Variants in CDH18 observed in about 807,000 individuals in gnomAD.
The protein encoded by CDH18 is cadherin-18.
Under a neutral mutation model 67.9 loss-of-function variants are expected in CDH18, and 31 were observed. The observed-to-expected ratio is 0.46, with a 90% confidence interval of 0.34 to 0.62. CDH18 has a LOEUF of 0.62. Among genes scored for constraint, CDH18 ranks in the 20% least tolerant of loss-of-function variants. The pLI, the probability that CDH18 is intolerant of heterozygous loss-of-function variation, is 0.01. For synonymous variants in CDH18, 362 were observed against 347.2 expected, an observed-to-expected ratio of 1.04 and a Z score of -0.48; for missense variants, 890 against 975.5, an observed-to-expected ratio of 0.91 and a Z score of 1.17.
chr5:19,911,394 A>G (rs529498523), intron 2 of CDH18, among the ~76,000 whole-genome samples: 156 of 152,116 alleles, frequency 1.0e-3, no homozygotes, highest in Non-Finnish European at 1.7e-3. Flanking sequence ...AGATTATACT[A>G]TTAGGAGATA....
rs1432411209 is a variant in CDH18 at position 20,311,956 on chromosome 5, T to G, written c.-579-56451A>C. 2.0e-5 allele frequency among the ~76,000 whole-genome samples: 3 copies of G among 152,304 alleles called. No homozygotes were observed. In the South Asian group the frequency reaches 6.2e-4, roughly 32 times the overall value. On this transcript the variant is annotated intron_variant, in intron 1 of 14. Coordinates refer to the CDH18 transcript ENST00000507958. ...AGCTGAGGAAATACTTCTATTTCCCTATTTGCTGAACACATGGCAGGATTA... is the reference window on the plus strand; with the variant it reads ...AGCTGAGGAAATACTTCTATTTCCCGATTTGCTGAACACATGGCAGGATTA...
intron 2 of CDH18, among the ~76,000 whole-genome samples, chr5:19,979,004 C>T (rs1288159393): frequency 6.6e-6 from 1 of 152,132 alleles, no homozygotes; most frequent in Non-Finnish European, 1.5e-5. Context: ...TAGTCACACG[C>T]AGCACTTATA....
intron 2 of CDH18, among the ~76,000 whole-genome samples, chr5:20,049,369 G>C (rs1379505724): frequency 6.6e-6 from 1 of 151,636 alleles, no homozygotes; most frequent in African/African-American, 2.4e-5. Flanking sequence ...GAGAGTGGGA[G>C]GAGGGAGAGG....
chr5:19,922,041 T>G (rs1792541738), intron 2 of CDH18, among the ~76,000 whole-genome samples: 1 of 152,158 alleles, frequency 6.6e-6, no homozygotes, highest in Admixed American at 6.5e-5. Context: ...AGATCATTTC[T>G]GAGAATGTGA....
At chr5:20,198,306 G>C (rs1042611750) in intron 2 of CDH18, among the ~76,000 whole-genome samples, 5 of 152,082 alleles carry the variant, frequency 3.3e-5, no homozygotes, top group African/African-American at 4.8e-5. Context: ...TTGTTGAATG[G>C]CTTAGTCCAA....
At chr5:19,545,558 G>C (rs1461512195) in intron 8 of CDH18, among the ~76,000 whole-genome samples, 1 of 152,146 alleles carries the variant, frequency 6.6e-6, no homozygotes, top group Non-Finnish European at 1.5e-5. Context: ...GAAGATGATG[G>C]AAAAAAGTGT....
Position 19,935,034 on chromosome 5 carries a change from C to CTTTTATTTTTATATTA in CDH18, c.-257+46025_-257+46026insTAATATAAAAATAAAA, listed in dbSNP as rs1290957596. On this transcript the variant is annotated intron_variant, in intron 2 of 12. Coordinates refer to ENST00000382275, the MANE Select transcript of CDH18 (RefSeq NM_004934.5). ...ATTATGTCTCAGTCTTCAAATACCA[C>CTTTTATTTTTATATTA]TTTTAGTTTGGAAGCTGAGAAAGAG... is the stretch of plus-strand genomic sequence containing the variant. Among the ~76,000 whole-genome samples, 3 of 151,328 alleles carry CTTTTATTTTTATATTA rather than the reference C, an allele frequency of 2.0e-5. No individual in the cohort carries two copies. In the East Asian group the frequency reaches 5.8e-4, roughly 29 times the overall value.
chr5:19,850,371 C>G (rs1413437833), intron 2 of CDH18, among the ~76,000 whole-genome samples: 1 of 151,824 alleles, frequency 6.6e-6, no homozygotes, highest in African/African-American at 2.4e-5. Context: ...TAAATGTATG[C>G]ATGATTACAA....
intron 2 of CDH18, among the ~76,000 whole-genome samples, chr5:19,867,273 T>G (rs1785657976): frequency 6.6e-6 from 1 of 152,160 alleles, no homozygotes; most frequent in Non-Finnish European, 1.5e-5. Context: ...TGTGGGACCC[T>G]TTAGGAGGAA....
intron 9 of CDH18, among the ~76,000 whole-genome samples, chr5:19,526,669 CCAAA>C (rs1481055250): frequency 6.6e-6 from 1 of 151,830 alleles, no homozygotes; most frequent in African/African-American, 2.4e-5. Context: ...TATGTGCCAC[CCAAA>C]CAATCTAAAT....
intron 2 of CDH18, among the ~76,000 whole-genome samples, chr5:19,953,237 G>T (rs1487922397): frequency 1.3e-5 from 2 of 151,964 alleles, no homozygotes; most frequent in Non-Finnish European, 2.9e-5. Flanking sequence ...TTAAAATGAG[G>T]ATGTTGTTAA....
At chr5:19,799,621 C>A (rs1317926961) in intron 3 of CDH18, among the ~76,000 whole-genome samples, 1 of 151,836 alleles carries the variant, frequency 6.6e-6, no homozygotes, top group South Asian at 2.1e-4. Context: ...ATCTATTATA[C>A]CTCAATAAAT....
chr5:20,231,335 C>T (rs1742054671), intron 2 of CDH18, among the ~76,000 whole-genome samples: 1 of 152,044 alleles, frequency 6.6e-6, no homozygotes, highest in South Asian at 2.1e-4. Context: ...ATCGGCCGGG[C>T]ACATTGGCTC....
intron 2 of CDH18, among the ~76,000 whole-genome samples, chr5:19,956,999 C>G (rs1796317930): frequency 6.6e-6 from 1 of 151,848 alleles, no homozygotes; most frequent in South Asian, 2.1e-4. Flanking sequence ...ACTTTTAATA[C>G]CACTTACTTA....
At chr5:19,568,896 G>A (rs1053839858) in intron 8 of CDH18, among the ~76,000 whole-genome samples, 2 of 152,158 alleles carry the variant, frequency 1.3e-5, no homozygotes, top group African/African-American at 2.4e-5. Context: ...ATTTTCAACT[G>A]TCCCTTGCAG....
chr5:20,246,975 C>A (rs1393791223), intron 2 of CDH18, among the ~76,000 whole-genome samples: 1 of 152,102 alleles, frequency 6.6e-6, no homozygotes, highest in African/African-American at 2.4e-5. Context: ...CAACTCCTGG[C>A]CACTCAGCTC....
chr5:19,930,402 G>C (rs957800356), intron 2 of CDH18, among the ~76,000 whole-genome samples: 2 of 151,654 alleles, frequency 1.3e-5, no homozygotes, highest in African/African-American at 4.8e-5. Context: ...GAAAAGAGAA[G>C]AAAAATGACT....
chr5:19,741,266 T>TAC (rs1561196824), intron 4 of CDH18, among the ~76,000 whole-genome samples: 26 of 100,488 alleles, frequency 2.6e-4, no homozygotes, highest in Non-Finnish European at 5.1e-4. Flanking sequence ...TGTATACATA[T>TAC]ATACATATAT....
intron 2 of CDH18, among the ~76,000 whole-genome samples, chr5:20,177,857 C>T (rs1368513230): frequency 6.6e-6 from 1 of 152,082 alleles, no homozygotes; most frequent in Non-Finnish European, 1.5e-5. Context: ...TTGCTGCTGC[C>T]ATCCATGTAA....
Sources: gnomAD v4.1 joint callset for allele counts (sites outside exome capture counted in the v4.1 genomes callset) on GRCh38, gnomAD v4.1.1 for gene constraint, MANE v1.5 for transcripts, NCBI Gene and HGNC (gene_info 2026-07-23, HGNC 2026-07-21) for gene names.